Variants in FAM110B observed in about 807,000 individuals in gnomAD.
The protein encoded by FAM110B is family with sequence similarity 110 member B.
FAM110B carries 6 observed loss-of-function variants against 20.4 expected under a neutral mutation model. The observed-to-expected ratio is 0.29, with a 90% CI of 0.16 to 0.58. The LOEUF (loss-of-function observed/expected upper bound fraction) is 0.58. Among genes scored for constraint, FAM110B ranks in the 20% least tolerant of loss-of-function variants. FAM110B has a pLI of 0.90. For missense variants in FAM110B, 434 were observed against 498.2 expected, an observed-to-expected ratio of 0.87 and a Z score of 1.23; for synonymous variants, 226 against 214.1, an observed-to-expected ratio of 1.06 and a Z score of -0.49.
Position 58,146,561 on chromosome 8 carries a change from G to T in FAM110B, c.331G>T (p.Val111Leu). The T allele has an allele frequency of 4.3e-6, 7 of 1,614,054 alleles. No individual in the cohort carries two copies. The highest frequency in any genetic ancestry group is 5.9e-6 in the Non-Finnish European group (7 of 1,179,946). ...CAACCACGCCAAGACCGAGAGCGGC[G>T]TGCAGAGGGAGAACCTGAAGCTGGA... ...FGNHAKTESGVQRENLKLEIL... is the reference protein window; with the variant it reads ...FGNHAKTESGLQRENLKLEIL... Residue 111 changes from valine to leucine, a missense_variant, in exon 4 of 4, where the codon GTG becomes TTG. This residue lies in a region of FAM110B where 284 missense variants were observed against 278.3 expected (regional missense o/e 1.02). Coordinates refer to ENST00000519262, the MANE Select transcript of FAM110B (RefSeq NM_001377989.1).
At chr8:58,136,738 C>T (rs552561807) in intron 3 of FAM110B, among the ~76,000 whole-genome samples, 7 of 152,202 alleles carry the variant, frequency 4.6e-5, no homozygotes, top group East Asian at 1.9e-4. Context: ...GGAAGAATGT[C>T]GAACTGGAAA....
At chr8:58,069,129 C>T (rs1321188866) in intron 2 of FAM110B, among the ~76,000 whole-genome samples, 1 of 152,188 alleles carries the variant, frequency 6.6e-6, no homozygotes, top group Non-Finnish European at 1.5e-5. Flanking sequence ...CTACCATTAG[C>T]TTCTCAGCCT....
intron 3 of FAM110B, among the ~76,000 whole-genome samples, chr8:58,102,890 G>A (rs761507678): frequency 4.7e-5 from 7 of 148,500 alleles, no homozygotes; most frequent in Non-Finnish European, 1.0e-4. Flanking sequence ...ACTCAGGCTA[G>A]AAACTTCAAA....
intron 1 of FAM110B, among the ~76,000 whole-genome samples, chr8:58,028,417 T>C (rs1468985472): frequency 1.3e-5 from 2 of 152,208 alleles, no homozygotes; most frequent in Admixed American, 1.3e-4. Flanking sequence ...ACACTTGATA[T>C]TTTGAAACCT....
chr8:58,045,610 C>T (rs1211616763), intron 2 of FAM110B, among the ~76,000 whole-genome samples: 1 of 152,108 alleles, frequency 6.6e-6, no homozygotes, highest in Non-Finnish European at 1.5e-5. Context: ...ATCTGACAGA[C>T]ATGTTTCATA....
Position 58,147,486 on chromosome 8 carries a change from T to A in FAM110B, c.*143T>A. 3 of 1,055,974 alleles carry A rather than the reference T, an allele frequency of 2.8e-6. No homozygotes were observed. The highest frequency in any genetic ancestry group is 2.7e-6 in the Non-Finnish European group (2 of 736,184). 65.4% of individuals were successfully genotyped at this position (1,055,974 alleles called of 1,614,324 possible). A position where few individuals can be genotyped will look rare whatever the true frequency, so the allele number is the denominator to read the frequency against. On this transcript the variant is annotated 3_prime_UTR_variant, in exon 4 of 4. Coordinates refer to ENST00000519262, the MANE Select transcript of FAM110B (RefSeq NM_001377989.1). ...TTTTCAAGTTGCATGCTTGTCAACA[T>A]GGGGACTGACCTGGCTTCCACGTCA...
Position 58,146,482 on chromosome 8 carries a change from G to C in FAM110B, c.252G>C (p.Pro84=). 6.2e-7 allele frequency: 1 copy of C among 1,613,620 alleles called. No individual in the cohort carries two copies. Among genetic ancestry groups the C allele is most frequent in the South Asian group, 1.1e-5 (1 of 91,034 alleles). ...AGCCCGCCGTGCTGGCCAAGCCCCC[G>C]GTGTGCCCGGCTGCCAAGCGCGCAC... The part of the protein sequence containing the change: ...PVKPAVLAKP[P]VCPAAKRALG... The change falls in exon 4 of 4, where the codon CCG becomes CCC. Residue 84 remains proline, a synonymous_variant. Coordinates refer to ENST00000519262, the MANE Select transcript of FAM110B (RefSeq NM_001377989.1).
intron 3 of FAM110B, among the ~76,000 whole-genome samples, chr8:58,092,812 G>A (rs573690173): frequency 1.2e-3 from 183 of 152,284 alleles, no homozygotes; most frequent in Middle Eastern, 3.4e-3. Flanking sequence ...GATCCTTAAG[G>A]AATCGCCACA....
At chr8:58,000,104 A>G (rs1804262850) in intron 1 of FAM110B, among the ~76,000 whole-genome samples, 2 of 152,236 alleles carry the variant, frequency 1.3e-5, no homozygotes, top group Admixed American at 6.5e-5. Context: ...TTATAAAATG[A>G]CCTCTGCAAG....
intron 3 of FAM110B, among the ~76,000 whole-genome samples, chr8:58,096,852 G>A (rs1806645573): frequency 6.6e-6 from 1 of 152,184 alleles, no homozygotes; most frequent in Admixed American, 6.5e-5. Flanking sequence ...TTCTCTCTTA[G>A]AATGTTGAAT....
intron 3 of FAM110B, among the ~76,000 whole-genome samples, chr8:58,081,620 C>T (rs979197833): frequency 1.3e-4 from 20 of 152,208 alleles, no homozygotes; most frequent in Admixed American, 1.1e-3. Context: ...CTGGGCTCTT[C>T]TGCTTACTCA....
intron 3 of FAM110B, among the ~76,000 whole-genome samples, chr8:58,100,675 C>CCT (rs1192601310): frequency 1.3e-5 from 2 of 152,170 alleles, no homozygotes; most frequent in Non-Finnish European, 2.9e-5. Flanking sequence ...CAAATTGCCC[C>CCT]TTTTTATAAG....
In FAM110B at chr8:58,077,528, C is replaced by T. The variant is rs367712190; in HGVS notation, c.-325+1905C>T. 2.6e-5 allele frequency among the ~76,000 whole-genome samples: 4 copies of T among 152,300 alleles called. No homozygotes were observed. The East Asian group carries it at 7.7e-4, about 29-fold the overall frequency. On this transcript the variant is annotated intron_variant, in intron 3 of 3. Transcript: ENST00000519262. Reference sequence around the variant, plus strand: ...AGTAGACCTGGCCTTCACCTCAGCTCGTCTGCTTAGTAACCAGTTGGATGG... The same window carrying T: ...AGTAGACCTGGCCTTCACCTCAGCTTGTCTGCTTAGTAACCAGTTGGATGG...
intron 2 of FAM110B, among the ~76,000 whole-genome samples, chr8:58,033,035 C>T (rs904628576): frequency 7.9e-5 from 12 of 152,238 alleles, no homozygotes; most frequent in Non-Finnish European, 1.5e-4. Flanking sequence ...AGTATCCCAT[C>T]GATAGGTTTT....
intron 1 of FAM110B, among the ~76,000 whole-genome samples, chr8:58,024,979 C>G (rs16922894): frequency 0.011 from 1,702 of 152,320 alleles, 41 homozygotes; most frequent in African/African-American, 0.039. Context: ...TGGGCTTACA[C>G]TATATCTGCT....
chr8:58,105,526 T>C (rs1806884003), intron 3 of FAM110B, among the ~76,000 whole-genome samples: 1 of 150,774 alleles, frequency 6.6e-6, no homozygotes, highest in Non-Finnish European at 1.5e-5. Flanking sequence ...GGGTGAAACC[T>C]TGTCTGAAAA....
At chr8:58,093,736 T>C (rs187149819) in intron 3 of FAM110B, among the ~76,000 whole-genome samples, 2 of 152,214 alleles carry the variant, frequency 1.3e-5, no homozygotes, top group Non-Finnish European at 2.9e-5. Flanking sequence ...TGCGGGCTCT[T>C]TTTTGGTTCC....
chr8:58,107,868 G>A (rs1431616221), intron 3 of FAM110B, among the ~76,000 whole-genome samples: 1 of 152,112 alleles, frequency 6.6e-6, no homozygotes, highest in Non-Finnish European at 1.5e-5. Context: ...CCTTGTTTGG[G>A]GAACATTTGT....
intron 2 of FAM110B, chr8:58,070,469 G>T (rs1000880028): frequency 6.6e-6 from 1 of 152,192 alleles, no homozygotes; most frequent in Non-Finnish European, 1.5e-5. Context: ...TGTTTAATCT[G>T]ATCTTGCTTT....
Sources: gnomAD v4.1 joint callset for allele counts (sites outside exome capture counted in the v4.1 genomes callset) on GRCh38, gnomAD v4.1.1 for gene constraint, gnomAD v4.1.1 regional missense constraint, MANE v1.5 for transcripts, NCBI Gene and HGNC (gene_info 2026-07-23, HGNC 2026-07-21) for gene names.